The following ZNF385D variants were observed in gnomAD, a reference collection of about 807,000 sequenced individuals.
The protein encoded by ZNF385D is zinc finger protein 385D.
Under a neutral mutation model 35.8 loss-of-function variants are expected in ZNF385D, and 15 were observed. The ratio of observed to expected loss-of-function variants is 0.42; its 90% CI spans 0.28 to 0.64. ZNF385D has a LOEUF of 0.64. Among genes scored for constraint, ZNF385D ranks in the 30% least tolerant of loss-of-function variants. The pLI, the probability that ZNF385D is intolerant of heterozygous loss-of-function variation, is 0.23. For synonymous variants in ZNF385D, 212 were observed against 186.8 expected (o/e 1.13, Z -1.10); for missense variants, 474 against 494.6 (o/e 0.96, Z 0.39).
intron 3 of ZNF385D, among the ~76,000 whole-genome samples, chr3:21,958,239 T>C (rs1702391069): frequency 6.6e-6 from 1 of 152,096 alleles, no homozygotes; most frequent in South Asian, 2.1e-4. Flanking sequence ...TTTTGTGAGG[T>C]GATCACATTA....
At chr3:21,616,454 TG>T (rs1170494125) in intron 2 of ZNF385D, among the ~76,000 whole-genome samples, 1 of 152,186 alleles carries the variant, frequency 6.6e-6, no homozygotes, top group Non-Finnish European at 1.5e-5. Context: ...TCAATTTCCT[TG>T]CGGGAGAATT....
At chr3:21,801,063 T>C (rs950239697) in intron 3 of ZNF385D, among the ~76,000 whole-genome samples, 1 of 152,160 alleles carries the variant, frequency 6.6e-6, no homozygotes, top group Non-Finnish European at 1.5e-5. Flanking sequence ...GTAATTTTTC[T>C]GCATCAATTT....
At chr3:21,759,485 G>A (rs1452680978) in intron 3 of ZNF385D, among the ~76,000 whole-genome samples, 2 of 152,176 alleles carry the variant, frequency 1.3e-5, no homozygotes, top group Admixed American at 6.5e-5. Flanking sequence ...GACAGTGTAG[G>A]AAGTGTTTGC....
At chr3:21,592,352 A>T (rs1427061122) in intron 2 of ZNF385D, among the ~76,000 whole-genome samples, 1 of 151,860 alleles carries the variant, frequency 6.6e-6, no homozygotes, top group African/African-American at 2.4e-5. Context: ...TTATTTATCT[A>T]TTGTGATTTA....
At chr3:21,578,465 A>G (rs1287108061) in intron 2 of ZNF385D, among the ~76,000 whole-genome samples, 1 of 152,170 alleles carries the variant, frequency 6.6e-6, no homozygotes, top group African/African-American at 2.4e-5. Context: ...TTTGGGTATT[A>G]CATTTAGATT....
intron 2 of ZNF385D, among the ~76,000 whole-genome samples, chr3:22,192,985 C>T (rs960296336): frequency 6.6e-6 from 1 of 152,112 alleles, no homozygotes; most frequent in African/African-American, 2.4e-5. Context: ...CTATTTAATA[C>T]CAATGGCCAA....
intron 2 of ZNF385D, among the ~76,000 whole-genome samples, chr3:22,321,625 A>G (rs538782319): frequency 3.3e-5 from 5 of 152,264 alleles, no homozygotes; most frequent in South Asian, 4.1e-4. Context: ...TCGGCCTCCC[A>G]AAGTGCTGGG....
intron 3 of ZNF385D, among the ~76,000 whole-genome samples, chr3:21,995,036 G>C (rs2125402938): frequency 6.6e-6 from 1 of 152,328 alleles, no homozygotes; most frequent in East Asian, 1.9e-4. Context: ...CAACTTTCTT[G>C]GTGCCAGCAG....
intron 3 of ZNF385D, among the ~76,000 whole-genome samples, chr3:22,131,461 ATGAAG>A (rs1470520301): frequency 6.6e-6 from 1 of 152,200 alleles, no homozygotes; most frequent in African/African-American, 2.4e-5. Context: ...AGAGAGAAAA[ATGAAG>A]TGAAGAGAAT....
intron 3 of ZNF385D, among the ~76,000 whole-genome samples, chr3:22,042,827 G>A (rs565000044): frequency 6.6e-6 from 1 of 152,276 alleles, no homozygotes; most frequent in African/African-American, 2.4e-5. Context: ...GCCTGATCTC[G>A]ACGTGTTTGG....
At chr3:21,749,114 C>T (rs1357012586) in intron 1 of ZNF385D, among the ~76,000 whole-genome samples, 1 of 152,186 alleles carries the variant, frequency 6.6e-6, no homozygotes, top group African/African-American at 2.4e-5. Context: ...CAACTTTAGC[C>T]TTGCCTTTCA....
At chr3:22,038,021 C>T (rs1432459749) in intron 3 of ZNF385D, among the ~76,000 whole-genome samples, 1 of 151,982 alleles carries the variant, frequency 6.6e-6, no homozygotes, top group East Asian at 1.9e-4. Context: ...AACTGGCTAG[C>T]CATATGTAGA....
intron 3 of ZNF385D, among the ~76,000 whole-genome samples, chr3:22,124,320 A>G (rs1703300781): frequency 6.6e-6 from 1 of 152,164 alleles, no homozygotes; most frequent in Non-Finnish European, 1.5e-5. Context: ...TTCATTATCC[A>G]TTCATCTGTT....
At chr3:22,312,244 A>C (rs1205401404) in intron 2 of ZNF385D, among the ~76,000 whole-genome samples, 1 of 152,196 alleles carries the variant, frequency 6.6e-6, no homozygotes, top group Non-Finnish European at 1.5e-5. Context: ...GGAAAAAAAT[A>C]GATATGCACA....
At chr3:21,445,572 A>G (rs2125260307) in intron 4 of ZNF385D, among the ~76,000 whole-genome samples, 1 of 152,318 alleles carries the variant, frequency 6.6e-6, no homozygotes, top group Middle Eastern at 3.4e-3. Flanking sequence ...GATAACAATC[A>G]CCTCAGCAAT....
At chr3:21,922,319 G>A (rs940880777) in intron 3 of ZNF385D, among the ~76,000 whole-genome samples, 16 of 152,062 alleles carry the variant, frequency 1.1e-4, no homozygotes, top group Admixed American at 6.5e-4. Flanking sequence ...AAAAAGAGCC[G>A]TAACAGAAAA....
chr3:21,443,502 G>A (rs528204881), intron 4 of ZNF385D, among the ~76,000 whole-genome samples: 1 of 152,292 alleles, frequency 6.6e-6, no homozygotes, highest in Admixed American at 6.5e-5. Flanking sequence ...AGTTGTATAT[G>A]CAAGAGTAAT....
intron 3 of ZNF385D, among the ~76,000 whole-genome samples, chr3:22,040,956 C>G (rs1197183763): frequency 6.6e-6 from 1 of 151,676 alleles, no homozygotes; most frequent in African/African-American, 2.4e-5. Context: ...TCTCTTTTTT[C>G]TCAGTGTACA....
At chr3:21,881,699 G>T (rs1181183820) in intron 3 of ZNF385D, among the ~76,000 whole-genome samples, 1 of 151,956 alleles carries the variant, frequency 6.6e-6, no homozygotes, top group Non-Finnish European at 1.5e-5. Flanking sequence ...CCATTCTAGT[G>T]ACTCCTCTGA....
Sources: gnomAD v4.1 joint callset for allele counts (sites outside exome capture counted in the v4.1 genomes callset) on GRCh38, gnomAD v4.1.1 for gene constraint, MANE v1.5 for transcripts, NCBI Gene and HGNC (gene_info 2026-07-23, HGNC 2026-07-21) for gene names.